ARMC8: variants seen among roughly 807,000 people sequenced by gnomAD.
ARMC8 encodes armadillo repeat containing 8, also known as armadillo repeat-containing protein 8.
Under a neutral mutation model 99.3 loss-of-function variants are expected in ARMC8, and 20 were observed. The ratio of observed to expected loss-of-function variants is 0.20; its 90% CI spans 0.14 to 0.29. ARMC8 has a LOEUF of 0.29. ARMC8 is among the 10% of genes least tolerant of loss of function. ARMC8 has a pLI of 1.00. For synonymous variants in ARMC8, 263 were observed against 278.3 expected (o/e 0.95, Z 0.55); for missense variants, 569 against 809.5 (o/e 0.70, Z 3.60).
intron 14 of ARMC8, among the ~76,000 whole-genome samples, chr3:138,266,074 T>C (rs1025301238): frequency 6.6e-6 from 1 of 152,226 alleles, no homozygotes; most frequent in Non-Finnish European, 1.5e-5. Flanking sequence ...AGTATGTTTC[T>C]TTAACAACTT....
chr3:138,253,480 G>C (rs2047236857), intron 12 of ARMC8, among the ~76,000 whole-genome samples: 1 of 152,074 alleles, frequency 6.6e-6, no homozygotes, highest in Admixed American at 6.5e-5. Flanking sequence ...CTTTATACAT[G>C]CTAAGTTAAA....
chr3:138,293,503 C>T (rs1026147134), intron 21 of ARMC8, among the ~76,000 whole-genome samples: 5 of 151,856 alleles, frequency 3.3e-5, no homozygotes, highest in Non-Finnish European at 1.5e-5. Context: ...TGCACCAGTG[C>T]ACTCCAGCCT....
intron 1 of ARMC8, among the ~76,000 whole-genome samples, chr3:138,195,334 T>A (rs1160331856): frequency 1.3e-5 from 2 of 151,244 alleles, no homozygotes; most frequent in African/African-American, 4.9e-5. Flanking sequence ...AATAAATTCA[T>A]CAATGAATCA....
intron 1 of ARMC8, among the ~76,000 whole-genome samples, chr3:138,201,424 T>G (rs553674840): frequency 1.4e-5 from 2 of 146,678 alleles, no homozygotes; most frequent in South Asian, 2.2e-4. Context: ...AGTCCTTGTC[T>G]TCTTCCCCTC....
At chr3:138,226,374 T>C (rs1450855242) in intron 5 of ARMC8, among the ~76,000 whole-genome samples, 15 of 152,242 alleles carry the variant, frequency 9.9e-5, no homozygotes, top group Non-Finnish European at 8.8e-5. Flanking sequence ...GAGTGTTTAC[T>C]GTAGTCGTTC....
Position 138,278,221 on chromosome 3 carries a change from T to C in ARMC8, c.1725+3677T>C, listed in dbSNP as rs185920579. Reference sequence around the variant, plus strand: ...GGTTTTAAGATTCTATATATACATTTGGTAGGCCAGGCACGGTGGCTCACA... The same window carrying C: ...GGTTTTAAGATTCTATATATACATTCGGTAGGCCAGGCACGGTGGCTCACA... On this transcript the variant is annotated intron_variant, in intron 18 of 21. Transcript: ENST00000469044. Among the ~76,000 whole-genome samples, 88 of 152,186 alleles carry C rather than the reference T, an allele frequency of 5.8e-4. 1 individual carries two copies. The highest frequency in any genetic ancestry group is 3.4e-3 in the Middle Eastern group (1 of 294).
chr3:138,249,179 AT>A (rs1197320718), intron 12 of ARMC8, among the ~76,000 whole-genome samples: 6 of 152,318 alleles, frequency 3.9e-5, no homozygotes, highest in African/African-American at 1.4e-4. Context: ...TTAAGCACCC[AT>A]TATCTTATAT....
At chr3:138,275,428 G>A (rs762186405) in intron 18 of ARMC8, among the ~76,000 whole-genome samples, 1 of 152,086 alleles carries the variant, frequency 6.6e-6, no homozygotes, top group Admixed American at 6.6e-5. Flanking sequence ...GCGCGGTGGC[G>A]GGTGCCTGTA....
At chr3:138,194,138 G>C (rs2043558650) in intron 1 of ARMC8, among the ~76,000 whole-genome samples, 1 of 151,608 alleles carries the variant, frequency 6.6e-6, no homozygotes, top group Non-Finnish European at 1.5e-5. Context: ...CGCCTCCTGG[G>C]TTCATGCCAT....
At chr3:138,204,392 C>T (rs564523835) in intron 1 of ARMC8, among the ~76,000 whole-genome samples, 5 of 152,212 alleles carry the variant, frequency 3.3e-5, no homozygotes, top group African/African-American at 1.2e-4. Context: ...TCTATTAAAA[C>T]ATTTCCGTCA....
intron 15 of ARMC8, among the ~76,000 whole-genome samples, chr3:138,269,793 A>G (rs2048606373): frequency 1.3e-5 from 2 of 150,736 alleles, no homozygotes; most frequent in Admixed American, 1.3e-4. Flanking sequence ...AAAGGAAATG[A>G]CAGAGTGGTT....
At chr3:138,198,586 C>T (rs1381041398) in intron 1 of ARMC8, among the ~76,000 whole-genome samples, 2 of 151,962 alleles carry the variant, frequency 1.3e-5, no homozygotes, top group Admixed American at 6.6e-5. Context: ...CGTCTCGGCT[C>T]ACTGCAACCT....
At chr3:138,188,463 A>G in intron 1 of ARMC8, 1 of 1,612,992 alleles carries the variant, frequency 6.2e-7, no homozygotes, top group Admixed American at 1.7e-5. Flanking sequence ...AGGACCAGGA[A>G]TGAAAGTTAC....
intron 1 of ARMC8, among the ~76,000 whole-genome samples, chr3:138,199,792 A>G (rs868202179): frequency 1.3e-5 from 2 of 152,370 alleles, no homozygotes; most frequent in South Asian, 4.1e-4. Context: ...AAGTACAAAT[A>G]CATTGTCACT....
rs911707707 is a variant in ARMC8, at chr3:138,195,255, G to A, written c.45+7656G>A. Reference sequence around the variant, plus strand: ...ATTGCGCCACTGCAGTCCGCAGTCCGGCCTGGGCGACAGAGCGAGACTCCG... The same window carrying A: ...ATTGCGCCACTGCAGTCCGCAGTCCAGCCTGGGCGACAGAGCGAGACTCCG... On this transcript the variant is annotated intron_variant, in intron 1 of 21. Transcript: ENST00000469044. Among the ~76,000 whole-genome samples, 4 of 150,916 alleles carry A rather than the reference G, an allele frequency of 2.7e-5. No homozygotes were observed. In the South Asian group the frequency reaches 8.4e-4, roughly 32 times the overall value.
intron 9 of ARMC8, 150 bp from the exon 10 acceptor site, chr3:138,239,318 C>T: frequency 3.6e-6 from 2 of 549,526 alleles, no homozygotes; most frequent in South Asian, 2.5e-5. Flanking sequence ...TTGACTGAAC[C>T]TCCGAAAAGC....
chr3:138,205,014 T>TTCC (rs2044280038), intron 1 of ARMC8, among the ~76,000 whole-genome samples: 1 of 151,496 alleles, frequency 6.6e-6, no homozygotes, highest in Non-Finnish European at 1.5e-5. Context: ...TCCTACAGTC[T>TTCC]TCCTCATCTC....
chr3:138,206,612 C>T (rs1306829919), intron 1 of ARMC8, among the ~76,000 whole-genome samples: 2 of 152,186 alleles, frequency 1.3e-5, no homozygotes, highest in African/African-American at 4.8e-5. Flanking sequence ...GACGTTCTTT[C>T]TCTTATCAAC....
intron 6 of ARMC8, 42 bp downstream of exon 6, chr3:138,229,052 T>G: frequency 6.9e-7 from 1 of 1,443,904 alleles, no homozygotes; most frequent in Non-Finnish European, 9.5e-7. Flanking sequence ...TAAAATCTTA[T>G]TATGCCTTTA....
Sources: allele counts gnomAD v4.1 joint callset (sites outside exome capture counted in the v4.1 genomes callset), GRCh38; gene constraint gnomAD v4.1.1; transcripts MANE v1.5; gene names NCBI Gene and HGNC (gene_info 2026-07-23, HGNC 2026-07-21).